The following ACOT8 variants were observed in gnomAD, a reference collection of about 807,000 sequenced individuals.
ACOT8 encodes acyl-CoA thioesterase 8.
A neutral mutation model predicts 38.4 loss-of-function variants in ACOT8; 31 were observed. That is an observed-to-expected ratio of 0.81 (90% CI 0.61 to 1.09). The LOEUF is 1.09. Ranked by LOEUF, ACOT8 falls within the 50% of genes least tolerant of loss-of-function variation. The probability of loss-of-function intolerance (pLI) is 0.00; values close to 1 mark genes in which losing one functional copy is unlikely to be tolerated. For synonymous variants in ACOT8, 158 were observed against 170.3 expected (o/e 0.93, Z 0.56); for missense variants, 373 against 421.8 (o/e 0.88, Z 1.01).
At chr20:45,845,098 C>T (rs1262957557) in intron 3 of ACOT8, among the ~76,000 whole-genome samples, 1 of 151,884 alleles carries the variant, frequency 6.6e-6, no homozygotes, top group African/African-American at 2.4e-5. Flanking sequence ...TTTATTATTT[C>T]TTTATTTTGA....
At chr20:45,844,121 G>T in intron 4 of ACOT8, 142 bp downstream of exon 4, 2 of 1,172,034 alleles carry the variant, frequency 1.7e-6, no homozygotes, top group Non-Finnish European at 2.5e-6. Context: ...AGAGGGCCCA[G>T]GTGAGAAGCT....
Position 45,843,714 on chromosome 20 carries a change from G to A in ACOT8, c.654C>T (p.Gly218=). ...CCACGCAGCAGTGCATCTTCATGTCGCCCTCGCCTGCAACAGGTCCCCATC... is the reference window on the plus strand; with the variant it reads ...CCACGCAGCAGTGCATCTTCATGTCACCCTCGCCTGCAACAGGTCCCCATC... ...WVRARGYIGE[G]DMKMHCCVAA... Residue 218 remains glycine (G), a synonymous_variant, in exon 5 of 6, where the codon GGC becomes GGT. Coordinates refer to ENST00000217455, the MANE Select transcript of ACOT8 (RefSeq NM_005469.4). 1 of 1,605,848 alleles carries A rather than the reference G, an allele frequency of 6.2e-7. No homozygotes were observed. The highest frequency in any genetic ancestry group is 8.5e-7 in the Non-Finnish European group (1 of 1,173,504).
At chr20:45,851,042 T>G (rs564413334) in intron 2 of ACOT8, among the ~76,000 whole-genome samples, 1 of 152,314 alleles carries the variant, frequency 6.6e-6, no homozygotes, top group African/African-American at 2.4e-5. Flanking sequence ...ATGAGACATC[T>G]TGGGGATGAC....
intron 2 of ACOT8, chr20:45,854,114 G>A: frequency 1.8e-6 from 1 of 557,464 alleles, no homozygotes; most frequent in Non-Finnish European, 2.8e-6. Flanking sequence ...TGCCCTGGCT[G>A]GTCTTGAATT....
chr20:45,846,610 G>C (rs1984701221), intron 3 of ACOT8, among the ~76,000 whole-genome samples: 2 of 152,168 alleles, frequency 1.3e-5, no homozygotes, highest in South Asian at 4.1e-4. Flanking sequence ...ATACAGCTAA[G>C]AAGTAGGCAG....
At chr20:45,856,844 C>T (rs997845489) in intron 1 of ACOT8, among the ~76,000 whole-genome samples, 12 of 152,216 alleles carry the variant, frequency 7.9e-5, no homozygotes, top group African/African-American at 2.4e-5. Flanking sequence ...CAAGGAGCTG[C>T]GGCGTCGGTT....
At chr20:45,850,391 A>G (rs1984986810) in intron 2 of ACOT8, among the ~76,000 whole-genome samples, 1 of 152,232 alleles carries the variant, frequency 6.6e-6, no homozygotes, top group African/African-American at 2.4e-5. Flanking sequence ...CAATTGTTAC[A>G]GTGGTCATTA....
chr20:45,849,885 CATGGGGAAGCTGTTGGT>C (rs974644213), intron 2 of ACOT8, among the ~76,000 whole-genome samples: 2 of 152,146 alleles, frequency 1.3e-5, no homozygotes, highest in African/African-American at 4.8e-5. Context: ...AGGCTGTTGG[CATGGGGAAGCTGTTGGT>C]GGGCTAACTA....
Position 45,842,139 on chromosome 20 carries a change from C to T in ACOT8, c.842-183G>A, listed in dbSNP as rs1216495383. On this transcript the variant is annotated intron_variant, in intron 5 of 5. Coordinates refer to ENST00000217455, the MANE Select transcript of ACOT8 (RefSeq NM_005469.4). Reference sequence around the variant, plus strand: ...TACAGGCGCACATCACCATGCCCAACCTCCAAGTGGACTTCTTGCAAAGGG... The same window carrying T: ...TACAGGCGCACATCACCATGCCCAATCTCCAAGTGGACTTCTTGCAAAGGG... 4 of 1,529,636 alleles carry T rather than the reference C, an allele frequency of 2.6e-6. No individual in the cohort carries two copies. The African/African-American group carries it at 5.5e-5, about 21-fold the overall frequency. 94.8% of individuals were successfully genotyped at this position (1,529,636 alleles called of 1,614,324 possible). A position where few individuals can be genotyped will look rare whatever the true frequency, so the allele number is the denominator to read the frequency against.
At chr20:45,843,018 C>T in intron 5 of ACOT8, 1 of 1,099,870 alleles carries the variant, frequency 9.1e-7, no homozygotes, top group Non-Finnish European at 1.1e-6. Flanking sequence ...ACTGAATGCC[C>T]CGATCCCAAT....
At chr20:45,842,523 A>G in intron 5 of ACOT8, 1 of 1,013,538 alleles carries the variant, frequency 9.9e-7, no homozygotes, top group African/African-American at 1.7e-5. Flanking sequence ...AAGGACTCAG[A>G]AGAGAGGACT....
intron 3 of ACOT8, 115 bp from the exon 4 acceptor site, chr20:45,844,535 C>A: frequency 8.2e-7 from 1 of 1,225,422 alleles, no homozygotes; most frequent in Non-Finnish European, 1.1e-6. Flanking sequence ...ATCCCCAAAG[C>A]TCCCCTCCCC....
rs374859014 is a variant in ACOT8, at chr20:45,857,208, C to A, written c.108G>T (p.Pro36=). 1.9e-6 allele frequency: 3 copies of A among 1,613,042 alleles called. No homozygotes were observed. In the African/African-American group the frequency reaches 4.0e-5, roughly 22 times the overall value. Residue 36 remains proline (P), a synonymous_variant, in exon 1 of 6, where the codon CCG becomes CCT. Coordinates refer to ENST00000217455, the MANE Select transcript of ACOT8 (RefSeq NM_005469.4). ...VLVTTVLNLE[P]LDEDLFRGRH... ...GCTACCTGAAGAGATCCTCGTCCAG[C>A]GGCTCGAGGTTGAGCACGGTCGTGA...
In ACOT8 at chr20:45,841,926, A is replaced by G; in HGVS notation, c.872T>C (p.Leu291Pro). 1 of 1,613,058 alleles carries G rather than the reference A, an allele frequency of 6.2e-7. No homozygotes were observed. The highest frequency in any genetic ancestry group is 8.5e-7 in the Non-Finnish European group (1 of 1,179,922). ...AGCTAGGACTCCATCCTGACGCCAC[A>G]GCCGCCCATGGACCAGCCCCCGAGA... Reference protein sequence around the residue: ...GGSRGLVHGRLWRQDGVLAVT... With the variant: ...GGSRGLVHGRPWRQDGVLAVT... The change falls in exon 6 of 6, where the codon CTG becomes CCG. Residue 291 changes from leucine to proline, a missense_variant. Leu to Pro is a moderately conservative substitution (Grantham distance 98). Transcript: ENST00000217455.
intron 2 of ACOT8, among the ~76,000 whole-genome samples, chr20:45,852,193 A>C (rs916119203): frequency 1.3e-5 from 2 of 150,960 alleles, no homozygotes; most frequent in Non-Finnish European, 3.0e-5. Context: ...TTTTAGATGG[A>C]GTCTTGCTCT....
Position 45,856,949 on chromosome 20 carries a change from G to C in ACOT8, c.128+239C>G, listed in dbSNP as rs375119077. ...AGGCTTAGGGCAGGCTGCCGAGCAG[G>C]GTCTCTCAGGTCACCACTATATTTG... On this transcript the variant is annotated intron_variant, in intron 1 of 5. Transcript: ENST00000217455. 4.6e-5 allele frequency among the ~76,000 whole-genome samples: 7 copies of C among 152,346 alleles called. No individual in the cohort carries two copies. The South Asian group carries it at 8.3e-4, about 18-fold the overall frequency.
chr20:45,845,624 G>A (rs1030011334), intron 3 of ACOT8, among the ~76,000 whole-genome samples: 2 of 152,214 alleles, frequency 1.3e-5, no homozygotes, highest in African/African-American at 4.8e-5. Flanking sequence ...CTTCAATACA[G>A]TGACAACCAC....
rs1365257364 is a variant in ACOT8, at chr20:45,857,317, T to A, written c.-2A>T. 1 of 1,600,868 alleles carries A rather than the reference T, an allele frequency of 6.2e-7. No individual in the cohort carries two copies. Among genetic ancestry groups the A allele is most frequent in the African/African-American group, 1.3e-5 (1 of 74,782 alleles). On this transcript the variant is annotated 5_prime_UTR_variant, in exon 1 of 6. An upstream open reading frame in the 5' UTR loses its in-frame stop. Coordinates refer to ENST00000217455, the MANE Select transcript of ACOT8 (RefSeq NM_005469.4). ...TTCTGGGGCCTGCGGGGACGACATC[T>A]AGTTCAATGCTGCAGGCCCTGCACA...
At chr20:45,842,583 C>T (rs1424650992) in intron 5 of ACOT8, 1 of 994,404 alleles carries the variant, frequency 1.0e-6, no homozygotes, top group Non-Finnish European at 1.2e-6. Context: ...GACTCTTTCT[C>T]CCTTGCTGGC....
Sources: gnomAD v4.1 joint callset for allele counts (sites outside exome capture counted in the v4.1 genomes callset) on GRCh38, gnomAD v4.1.1 for gene constraint, MANE v1.5 for transcripts, NCBI Gene and HGNC (gene_info 2026-07-23, HGNC 2026-07-21) for gene names.